The following TGFA variants were observed in gnomAD, a reference collection of about 807,000 sequenced individuals.
The protein encoded by TGFA is protransforming growth factor alpha.
Under a neutral mutation model 21.7 loss-of-function variants are expected in TGFA, and 12 were observed. That is an observed-to-expected ratio of 0.55 (90% CI 0.35 to 0.90). The LOEUF (loss-of-function observed/expected upper bound fraction) is 0.90. Ranked by LOEUF, TGFA falls within the 40% of genes least tolerant of loss-of-function variation. The pLI, the probability that TGFA is intolerant of heterozygous loss-of-function variation, is 0.01. For missense variants in TGFA, 178 were observed against 210.8 expected, an observed-to-expected ratio of 0.84 and a Z score of 0.96; for synonymous variants, 79 against 88.1, an observed-to-expected ratio of 0.90 and a Z score of 0.58.
chr2:70,551,500 C>T (rs1040948643), intron 1 of TGFA, among the ~76,000 whole-genome samples: 7 of 152,256 alleles, frequency 4.6e-5, no homozygotes, highest in East Asian at 3.9e-4. Context: ...TCTCGGGTAG[C>T]GATGGAACAC....
At chr2:70,511,684 A>G (rs577342940) in intron 2 of TGFA, among the ~76,000 whole-genome samples, 13 of 152,280 alleles carry the variant, frequency 8.5e-5, no homozygotes, top group African/African-American at 3.1e-4. Context: ...AAGTGTTACG[A>G]GTGAAGTGGG....
intron 3 of TGFA, among the ~76,000 whole-genome samples, chr2:70,461,064 C>A (rs1670391616): frequency 6.6e-6 from 1 of 152,154 alleles, no homozygotes; most frequent in African/African-American, 2.4e-5. Context: ...ATCCCTGGGT[C>A]CCCATTACAA....
rs563065388 is a variant in TGFA at position 70,498,543 on chromosome 2, C to G, written c.94+16316G>C. Among the ~76,000 whole-genome samples the G allele has an allele frequency of 3.9e-5, 6 of 152,186 alleles. No individual in the cohort carries two copies. In the South Asian group the frequency reaches 1.2e-3, roughly 32 times the overall value. ...GAATGAGTTTTTTCTTCTCTTTATC[C>G]CCTTTATCATCAAGTTAAGTGGAGG... On this transcript the variant is annotated intron_variant, in intron 2 of 5. Transcript: ENST00000295400.
chr2:70,504,103 T>C (rs1278697836), intron 2 of TGFA, among the ~76,000 whole-genome samples: 3 of 152,046 alleles, frequency 2.0e-5, no homozygotes, highest in African/African-American at 4.8e-5. Context: ...AACAAGTCAG[T>C]GTTTGTTGAG....
chr2:70,537,682 G>T (rs1209884289), intron 1 of TGFA, among the ~76,000 whole-genome samples: 2 of 152,196 alleles, frequency 1.3e-5, no homozygotes, highest in Non-Finnish European at 2.9e-5. Flanking sequence ...TCTGAGAGAG[G>T]TGAAGAAGCT....
intron 1 of TGFA, among the ~76,000 whole-genome samples, chr2:70,516,019 C>A (rs1469399026): frequency 6.6e-6 from 1 of 152,202 alleles, no homozygotes; most frequent in Non-Finnish European, 1.5e-5. Flanking sequence ...ATAAAACCAG[C>A]CCTGCCAACA....
At chr2:70,516,749 C>T (rs1050624438) in intron 1 of TGFA, among the ~76,000 whole-genome samples, 1 of 152,202 alleles carries the variant, frequency 6.6e-6, no homozygotes, top group Admixed American at 6.5e-5. Flanking sequence ...GTTCTGACTT[C>T]GCTGGCACTG....
intron 4 of TGFA, among the ~76,000 whole-genome samples, chr2:70,453,983 GGA>G (rs1383864920): frequency 1.3e-5 from 2 of 151,450 alleles, no homozygotes; most frequent in Non-Finnish European, 2.9e-5. Context: ...GGGCAGGAAT[GGA>G]GAGTTTTCAG....
chr2:70,525,207 G>A (rs909872259), intron 1 of TGFA, among the ~76,000 whole-genome samples: 7 of 152,304 alleles, frequency 4.6e-5, no homozygotes, highest in African/African-American at 1.4e-4. Context: ...CTGCACCCTG[G>A]TGCACAACAC....
intron 1 of TGFA, among the ~76,000 whole-genome samples, chr2:70,515,853 T>C (rs1672258746): frequency 6.6e-6 from 1 of 152,162 alleles, no homozygotes; most frequent in Admixed American, 6.5e-5. Flanking sequence ...AAGCCCCCAG[T>C]GCATACTGTA....
chr2:70,496,524 G>A (rs2103800235), intron 2 of TGFA, among the ~76,000 whole-genome samples: 1 of 152,274 alleles, frequency 6.6e-6, no homozygotes, highest in East Asian at 1.9e-4. Flanking sequence ...CCTGACTCTG[G>A]CACAAACCTT....
chr2:70,550,378 A>C (rs1673453045), intron 1 of TGFA, among the ~76,000 whole-genome samples: 1 of 152,158 alleles, frequency 6.6e-6, no homozygotes, highest in South Asian at 2.1e-4. Flanking sequence ...TACAGATGAC[A>C]AAACTGGAAC....
At chr2:70,504,552 A>G (rs1553499847) in intron 2 of TGFA, among the ~76,000 whole-genome samples, 1 of 150,494 alleles carries the variant, frequency 6.6e-6, no homozygotes, top group East Asian at 1.9e-4. Flanking sequence ...AGATAAAAAT[A>G]AAAGCTTATA....
chr2:70,468,817 A>G (rs1348502276), intron 2 of TGFA, among the ~76,000 whole-genome samples: 1 of 152,198 alleles, frequency 6.6e-6, no homozygotes, highest in African/African-American at 2.4e-5. Context: ...CCGATTCTAC[A>G]TTATGGTGAG....
chr2:70,531,070 A>T (rs899691184), intron 1 of TGFA, among the ~76,000 whole-genome samples: 4 of 152,244 alleles, frequency 2.6e-5, no homozygotes, highest in Non-Finnish European at 5.9e-5. Context: ...GCACTGAGAC[A>T]TACCCTATAT....
chr2:70,526,858 T>C (rs1553503050), intron 1 of TGFA, among the ~76,000 whole-genome samples: 7 of 152,214 alleles, frequency 4.6e-5, no homozygotes, highest in Non-Finnish European at 1.0e-4. Context: ...GAAAGAAGAA[T>C]GAAGGTGGCA....
At chr2:70,462,563 C>A (rs1489928387) in intron 3 of TGFA, among the ~76,000 whole-genome samples, 1 of 152,136 alleles carries the variant, frequency 6.6e-6, no homozygotes, top group Non-Finnish European at 1.5e-5. Flanking sequence ...CTGAGTGAGT[C>A]CGAGCTGAGG....
chr2:70,550,580 G>A (rs1378683143), intron 1 of TGFA, among the ~76,000 whole-genome samples: 1 of 152,154 alleles, frequency 6.6e-6, no homozygotes, highest in Non-Finnish European at 1.5e-5. Flanking sequence ...CAGCCCTTTG[G>A]GAGGCTGAGG....
intron 2 of TGFA, among the ~76,000 whole-genome samples, chr2:70,479,165 T>G (rs1172662037): frequency 6.6e-6 from 1 of 152,200 alleles, no homozygotes; most frequent in Non-Finnish European, 1.5e-5. Context: ...ATCCTCCCCA[T>G]TTGGGGGTTT....
Sources: gnomAD v4.1 joint callset for allele counts (sites outside exome capture counted in the v4.1 genomes callset) on GRCh38, gnomAD v4.1.1 for gene constraint, MANE v1.5 for transcripts, NCBI Gene and HGNC (gene_info 2026-07-23, HGNC 2026-07-21) for gene names.